The following PPARGC1A variants were observed in gnomAD, a reference collection of about 807,000 sequenced individuals.
PPARGC1A encodes peroxisome proliferator-activated receptor gamma coactivator 1-alpha.
PPARGC1A carries 25 observed loss-of-function variants against 88.7 expected under a neutral mutation model. The ratio of observed to expected loss-of-function variants is 0.28; its 90% CI spans 0.21 to 0.39. The LOEUF is 0.39. PPARGC1A is among the 10% of genes least tolerant of loss of function. The pLI, the probability that PPARGC1A is intolerant of heterozygous loss-of-function variation, is 1.00. For missense variants in PPARGC1A, 880 were observed against 968.7 expected (o/e 0.91, Z 1.22); for synonymous variants, 363 against 355.6 (o/e 1.02, Z -0.24).
At chr4:24,147,078 T>G in the PPARGC1A span, among the ~76,000 whole-genome samples, 1 of 152,234 alleles carries the variant, frequency 6.6e-6, no homozygotes, top group African/African-American at 2.4e-5. Flanking sequence ...CTGATTCAGG[T>G]GAACAGGTAT....
the PPARGC1A span, among the ~76,000 whole-genome samples, chr4:23,969,819 C>T: frequency 7.2e-5 from 11 of 152,140 alleles, no homozygotes; most frequent in Non-Finnish European, 1.6e-4. Context: ...AGGGCAGCAT[C>T]GAAACATGGA....
the PPARGC1A span, among the ~76,000 whole-genome samples, chr4:24,388,284 CAG>C: frequency 6.6e-6 from 1 of 152,114 alleles, no homozygotes; most frequent in Non-Finnish European, 1.5e-5. Context: ...CATCTCACAC[CAG>C]TTAGAATGGC....
chr4:24,331,893 C>T, the PPARGC1A span, among the ~76,000 whole-genome samples: 1 of 151,966 alleles, frequency 6.6e-6, no homozygotes, highest in African/African-American at 2.4e-5. Context: ...GTTTTAAGCC[C>T]CACATGCATT....
the PPARGC1A span, among the ~76,000 whole-genome samples, chr4:24,410,815 C>T: frequency 6.6e-6 from 1 of 152,220 alleles, no homozygotes; most frequent in Non-Finnish European, 1.5e-5. Flanking sequence ...TTTGGACTTA[C>T]ACCAGTGGTT....
chr4:23,799,709 A>T (rs1718308519), intron 12 of PPARGC1A, among the ~76,000 whole-genome samples: 1 of 152,184 alleles, frequency 6.6e-6, no homozygotes, highest in South Asian at 2.1e-4. Context: ...ATAACGAGAG[A>T]GGAAGCATCC....
At chr4:24,035,525 G>A in the PPARGC1A span, among the ~76,000 whole-genome samples, 37 of 151,860 alleles carry the variant, frequency 2.4e-4, no homozygotes, top group Admixed American at 1.7e-3. Flanking sequence ...CAGCCTGGGC[G>A]ATGGAGCAAG....
chr4:23,896,201 C>T (rs568519143), intron 1 of PPARGC1A, among the ~76,000 whole-genome samples: 67 of 151,992 alleles, frequency 4.4e-4, no homozygotes, highest in African/African-American at 1.6e-3. Flanking sequence ...TGGCTGACGA[C>T]GTTATAAGTA....
chr4:24,075,697 C>T, the PPARGC1A span, among the ~76,000 whole-genome samples: 1 of 152,012 alleles, frequency 6.6e-6, no homozygotes, highest in South Asian at 2.1e-4. Context: ...AAGGGAATTC[C>T]CCTGTGCATG....
the PPARGC1A span, among the ~76,000 whole-genome samples, chr4:24,388,377 G>A: frequency 6.6e-6 from 1 of 152,180 alleles, no homozygotes; most frequent in Non-Finnish European, 1.5e-5. Flanking sequence ...TGGTGGGAGC[G>A]TAAATTAGTT....
the PPARGC1A span, among the ~76,000 whole-genome samples, chr4:23,989,552 CAA>C: frequency 6.6e-6 from 1 of 151,852 alleles, no homozygotes; most frequent in African/African-American, 2.4e-5. Context: ...TTAGAGAAAC[CAA>C]AGTGTAGAAG....
chr4:23,939,014 G>A, the PPARGC1A span, among the ~76,000 whole-genome samples: 1 of 152,136 alleles, frequency 6.6e-6, no homozygotes, highest in Non-Finnish European at 1.5e-5. Flanking sequence ...GCTGGATGGG[G>A]TCCATGGTGA....
the PPARGC1A span, among the ~76,000 whole-genome samples, chr4:24,232,852 A>G: frequency 3.3e-5 from 5 of 152,242 alleles, no homozygotes; most frequent in Non-Finnish European, 7.3e-5. Context: ...AAGTAGTAAC[A>G]TTTTGGCTAA....
the PPARGC1A span, among the ~76,000 whole-genome samples, chr4:24,036,426 G>A: frequency 5.9e-5 from 9 of 152,218 alleles, no homozygotes; most frequent in Non-Finnish European, 1.3e-4. Context: ...TACATCCACC[G>A]AAGCTCATGT....
chr4:24,240,854 G>A, the PPARGC1A span, among the ~76,000 whole-genome samples: 4 of 152,128 alleles, frequency 2.6e-5, no homozygotes, highest in African/African-American at 7.2e-5. Flanking sequence ...GAGGCAGGGA[G>A]GGAGAAGAGC....
the PPARGC1A span, among the ~76,000 whole-genome samples, chr4:24,213,758 A>G: frequency 6.6e-6 from 1 of 152,324 alleles, no homozygotes; most frequent in African/African-American, 2.4e-5. Flanking sequence ...AAGGAGAGAG[A>G]AAAAGGAAAA....
chr4:23,821,513 C>T (rs902571596), intron 7 of PPARGC1A, among the ~76,000 whole-genome samples: 1 of 151,790 alleles, frequency 6.6e-6, no homozygotes, highest in Non-Finnish European at 1.5e-5. Context: ...TAAATAACTT[C>T]ATATATGAGA....
At chr4:23,825,025 G>A (rs1030274123) in intron 5 of PPARGC1A, 2 of 159,278 alleles carry the variant, frequency 1.3e-5, no homozygotes, top group Non-Finnish European at 2.8e-5. Flanking sequence ...CAAATTGTGG[G>A]CATTGATCCA....
intron 1 of PPARGC1A, chr4:23,889,101 T>G (rs1331393406): frequency 1.0e-6 from 1 of 985,376 alleles, no homozygotes; most frequent in Non-Finnish European, 1.2e-6. Flanking sequence ...CCTGTATGAA[T>G]TGTAGCCAGC....
the PPARGC1A span, among the ~76,000 whole-genome samples, chr4:24,242,337 T>C: frequency 6.6e-6 from 1 of 152,204 alleles, no homozygotes; most frequent in Non-Finnish European, 1.5e-5. Context: ...CCCCCAGCAC[T>C]GGCCCTGTGC....
Sources: allele counts gnomAD v4.1 joint callset (sites outside exome capture counted in the v4.1 genomes callset), GRCh38; gene constraint gnomAD v4.1.1; transcripts MANE v1.5; gene names NCBI Gene and HGNC (gene_info 2026-07-23, HGNC 2026-07-21).